SLC14A2: variants seen among roughly 807,000 people sequenced by gnomAD.
SLC14A2 encodes solute carrier family 14 member 2, also known as urea transporter 2.
A neutral mutation model predicts 104.6 loss-of-function variants in SLC14A2; 91 were observed. The observed-to-expected ratio is 0.87, with a 90% confidence interval of 0.73 to 1.04. The LOEUF is 1.04. Among genes scored for constraint, SLC14A2 ranks in the 50% least tolerant of loss-of-function variants. The pLI, the probability that SLC14A2 is intolerant of heterozygous loss-of-function variation, is 0.00. For missense variants in SLC14A2, 1,189 were observed against 1,156.0 expected (o/e 1.03, Z -0.41); for synonymous variants, 476 against 466.4 (o/e 1.02, Z -0.27).
intron 2 of SLC14A2, among the ~76,000 whole-genome samples, chr18:45,530,089 C>T (rs1278919161): frequency 6.6e-6 from 1 of 152,150 alleles, no homozygotes; most frequent in Non-Finnish European, 1.5e-5. Flanking sequence ...AAGTGAATTT[C>T]CTAGAAATTA....
intron 2 of SLC14A2, among the ~76,000 whole-genome samples, chr18:45,559,206 G>A (rs919408678): frequency 3.9e-5 from 6 of 152,166 alleles, no homozygotes; most frequent in Admixed American, 3.9e-4. Flanking sequence ...AGATACGTAA[G>A]CAGCCACAAT....
At chr18:45,277,535 AGTAGCT>A (rs1169610758) in intron 1 of SLC14A2, among the ~76,000 whole-genome samples, 1 of 152,166 alleles carries the variant, frequency 6.6e-6, no homozygotes, top group Admixed American at 6.5e-5. Context: ...CAGCCTCCTG[AGTAGCT>A]GGTACTATAG....
intron 2 of SLC14A2, among the ~76,000 whole-genome samples, chr18:45,542,046 T>TTG (rs2043894823): frequency 9.5e-6 from 1 of 105,370 alleles, no homozygotes; most frequent in African/African-American, 4.1e-5. Context: ...TTTTTTTTTT[T>TTG]TTTTTTTTTT....
intron 1 of SLC14A2, among the ~76,000 whole-genome samples, chr18:45,355,757 G>GTC (rs918153272): frequency 1.3e-5 from 2 of 152,122 alleles, no homozygotes; most frequent in African/African-American, 4.8e-5. Context: ...GAACACTACT[G>GTC]TCTGAATGCA....
intron 1 of SLC14A2, among the ~76,000 whole-genome samples, chr18:45,394,673 G>T (rs1169390711): frequency 6.6e-6 from 1 of 151,958 alleles, no homozygotes; most frequent in South Asian, 2.1e-4. Flanking sequence ...TCCATTCAAG[G>T]CTTTTGCCCA....
chr18:45,294,003 G>A (rs2084896643), intron 1 of SLC14A2, among the ~76,000 whole-genome samples: 2 of 152,164 alleles, frequency 1.3e-5, no homozygotes, highest in South Asian at 4.1e-4. Context: ...AAGAAAGTGG[G>A]TGGGATCAAG....
At chr18:45,644,182 A>G (rs1364509264) in intron 10 of SLC14A2, 22 bp downstream of exon 10, 2 of 1,612,682 alleles carry the variant, frequency 1.2e-6, no homozygotes, top group African/African-American at 2.7e-5. Context: ...TGTTCGGGGA[A>G]GAAACGCTCT....
chr18:45,171,583 A>G, the SLC14A2 span, among the ~76,000 whole-genome samples: 1 of 152,298 alleles, frequency 6.6e-6, no homozygotes, highest in South Asian at 2.1e-4. Context: ...TGTATGGACT[A>G]TTAATGTGGA....
chr18:45,284,729 A>C (rs2084796549), intron 1 of SLC14A2, among the ~76,000 whole-genome samples: 1 of 152,188 alleles, frequency 6.6e-6, no homozygotes, highest in Non-Finnish European at 1.5e-5. Flanking sequence ...GGGAAAGAAC[A>C]GAAAGGGCTG....
chr18:45,533,430 A>AGT (rs1314440743), intron 2 of SLC14A2, among the ~76,000 whole-genome samples: 1 of 151,934 alleles, frequency 6.6e-6, no homozygotes, highest in Admixed American at 6.6e-5. Context: ...GTCTTGGGAG[A>AGT]GTGTGTGTGT....
At chr18:45,187,089 T>C in the SLC14A2 span, among the ~76,000 whole-genome samples, 1 of 152,176 alleles carries the variant, frequency 6.6e-6, no homozygotes, top group Non-Finnish European at 1.5e-5. Context: ...TTAAAAAGCA[T>C]GAATTACTCA....
intron 2 of SLC14A2, among the ~76,000 whole-genome samples, chr18:45,509,496 T>C (rs1431769573): frequency 1.3e-5 from 2 of 152,132 alleles, no homozygotes; most frequent in African/African-American, 2.4e-5. Context: ...TCTAGTTTAT[T>C]AGCATGAAAG....
chr18:45,628,442 CAAAA>C (rs59400362), intron 4 of SLC14A2, among the ~76,000 whole-genome samples: 12 of 124,316 alleles, frequency 9.7e-5, no homozygotes, highest in Admixed American at 2.5e-4. Context: ...GACTCTGCCT[CAAAA>C]AAAAAAAAAA....
chr18:45,466,285 G>C (rs540090468), intron 1 of SLC14A2, among the ~76,000 whole-genome samples: 93 of 151,988 alleles, frequency 6.1e-4, no homozygotes, highest in Non-Finnish European at 1.3e-3. Context: ...GAAAAGAAGG[G>C]GGTAGAGGGA....
intron 1 of SLC14A2, among the ~76,000 whole-genome samples, chr18:45,359,691 T>C (rs2085591453): frequency 6.6e-6 from 1 of 152,102 alleles, no homozygotes; most frequent in African/African-American, 2.4e-5. Context: ...GAGCATCGCC[T>C]CTCCTCTCAA....
chr18:45,324,038 AC>A, intron 1 of SLC14A2, among the ~76,000 whole-genome samples: 1 of 152,226 alleles, frequency 6.6e-6, no homozygotes, highest in Non-Finnish European at 1.5e-5. Flanking sequence ...ATTTGAAAGC[AC>A]AAAAACCCTT....
At chr18:45,594,995 A>G (rs1317671544) in intron 2 of SLC14A2, among the ~76,000 whole-genome samples, 1 of 152,132 alleles carries the variant, frequency 6.6e-6, no homozygotes, top group Non-Finnish European at 1.5e-5. Context: ...CTTCTCCGGA[A>G]TGTAATCCTT....
the SLC14A2 span, among the ~76,000 whole-genome samples, chr18:45,207,485 G>A: frequency 6.6e-6 from 1 of 151,734 alleles, no homozygotes; most frequent in African/African-American, 2.4e-5. Context: ...GAAAAGGGGA[G>A]GGGAAAAATA....
At chr18:45,546,791 T>A (rs1305979704) in intron 2 of SLC14A2, among the ~76,000 whole-genome samples, 1 of 152,180 alleles carries the variant, frequency 6.6e-6, no homozygotes, top group Non-Finnish European at 1.5e-5. Flanking sequence ...AAAATATATA[T>A]ACACACATTG....
Sources: gnomAD v4.1 joint callset for allele counts (sites outside exome capture counted in the v4.1 genomes callset) on GRCh38, gnomAD v4.1.1 for gene constraint, MANE v1.5 for transcripts, NCBI Gene and HGNC (gene_info 2026-07-23, HGNC 2026-07-21) for gene names.